ZC3H7B: variants seen among roughly 807,000 people sequenced by gnomAD.
ZC3H7B encodes zinc finger CCCH domain-containing protein 7B.
In ZC3H7B, 35 loss-of-function variants were observed where a neutral mutation model predicts 116.0. The ratio of observed to expected loss-of-function variants is 0.30; its 90% CI spans 0.23 to 0.40. ZC3H7B has a LOEUF of 0.40. ZC3H7B is among the 10% of genes least tolerant of loss of function. The pLI, the probability that ZC3H7B is intolerant of heterozygous loss-of-function variation, is 1.00. For synonymous variants in ZC3H7B, 502 were observed against 545.6 expected, an observed-to-expected ratio of 0.92 and a Z score of 1.11; for missense variants, 1,011 against 1,321.5, an observed-to-expected ratio of 0.77 and a Z score of 3.64.
intron 1 of ZC3H7B, among the ~76,000 whole-genome samples, chr22:41,309,870 C>T (rs1395658926): frequency 6.6e-6 from 1 of 152,018 alleles, no homozygotes; most frequent in African/African-American, 2.4e-5. Flanking sequence ...CAGAATAGCC[C>T]TTGCCAAACA....
chr22:41,335,319 G>A (rs2036429910), intron 7 of ZC3H7B: 1 of 152,182 alleles, frequency 6.6e-6, no homozygotes, highest in Non-Finnish European at 1.5e-5. Context: ...AATTACAATG[G>A]GTCAATGTGA....
intron 1 of ZC3H7B, among the ~76,000 whole-genome samples, chr22:41,315,881 A>G (rs929732039): frequency 2.6e-5 from 4 of 152,316 alleles, no homozygotes; most frequent in Non-Finnish European, 4.4e-5. Context: ...GAGCTTCAGC[A>G]TATGAATTTG....
chr22:41,342,780 G>GAA, intron 12 of ZC3H7B, 152 bp downstream of exon 12: 1 of 752,344 alleles, frequency 1.3e-6, no homozygotes, highest in Non-Finnish European at 2.1e-6. Flanking sequence ...AAAGGGGCAG[G>GAA]AGTTTGGGGT....
chr22:41,335,234 C>T (rs1475428601), intron 7 of ZC3H7B: 1 of 152,192 alleles, frequency 6.6e-6, no homozygotes, highest in Non-Finnish European at 1.5e-5. Context: ...CTACGCAGGC[C>T]ACTCCACCCC....
chr22:41,320,225 C>G (rs775428192), intron 1 of ZC3H7B, among the ~76,000 whole-genome samples: 2 of 150,840 alleles, frequency 1.3e-5, no homozygotes, highest in Non-Finnish European at 2.9e-5. Context: ...CCCAGCTACT[C>G]GGGAGGCTGA....
chr22:41,319,105 C>A (rs1305844397), intron 1 of ZC3H7B, among the ~76,000 whole-genome samples: 1 of 152,038 alleles, frequency 6.6e-6, no homozygotes. Context: ...CCCATCTGTA[C>A]TAAAAATACA....
chr22:41,329,319 C>T (rs1267305463), intron 5 of ZC3H7B, among the ~76,000 whole-genome samples: 15 of 145,002 alleles, frequency 1.0e-4, no homozygotes, highest in Admixed American at 6.3e-4. Context: ...AGTGCAGCGG[C>T]GCAGTCTTGG....
Position 41,348,135 on chromosome 22 carries a change from C to T in ZC3H7B, c.1734C>T (p.Asn578=), listed in dbSNP as rs762340762. The T allele has an allele frequency of 4.3e-6, 7 of 1,613,926 alleles. No homozygotes were observed. The African/African-American group carries it at 8.0e-5, about 18-fold the overall frequency. ...AGGACTCTCCGTCTGTCTGCTCCAA[C>T]CTGGCTGCCAAGCACAGCTTCTACA... ...GTKDSPSVCS[N]LAAKHSFYNN... is the part of the protein sequence containing the mutation. The change falls in exon 15 of 23, where the codon AAC becomes AAT. Residue 578 remains asparagine (N), a synonymous_variant. Coordinates refer to ENST00000352645, the MANE Select transcript of ZC3H7B (RefSeq NM_017590.6).
intron 1 of ZC3H7B, among the ~76,000 whole-genome samples, chr22:41,314,250 G>C (rs1425902206): frequency 6.6e-6 from 1 of 151,636 alleles, no homozygotes; most frequent in Non-Finnish European, 1.5e-5. Context: ...TCTGCCTCCC[G>C]GGTTCAAGCA....
At chr22:41,343,283 C>T in intron 12 of ZC3H7B, 132 bp from the exon 13 acceptor site, 1 of 1,185,490 alleles carries the variant, frequency 8.4e-7, no homozygotes, top group East Asian at 2.5e-5. Context: ...GTGGTGGGAG[C>T]TGGCAGGAGG....
intron 16 of ZC3H7B, among the ~76,000 whole-genome samples, chr22:41,350,479 CG>C (rs1279809010): frequency 2.0e-5 from 3 of 151,960 alleles, no homozygotes; most frequent in African/African-American, 7.3e-5. Context: ...GAGGGTGGCT[CG>C]GGCCAGGGTG....
Position 41,355,464 on chromosome 22 carries a change from C to G in ZC3H7B, c.2035-5C>G. On this transcript the variant is annotated splice_polypyrimidine_tract_variant and splice_region_variant and intron_variant, in intron 17 of 22. Coordinates refer to ENST00000352645, the MANE Select transcript of ZC3H7B (RefSeq NM_017590.6). ...TCACCAACCCCCCTCCCCATCCCCC[C>G]ACAGGGTGCTCCGAGGACACATGGG... The G allele has an allele frequency of 9.9e-6, 16 of 1,613,872 alleles. No homozygotes were observed. The highest frequency in any genetic ancestry group is 1.3e-5 in the Non-Finnish European group (15 of 1,179,892).
intron 10 of ZC3H7B, 67 bp from the exon 11 acceptor site, chr22:41,341,021 A>AT: frequency 6.7e-7 from 1 of 1,498,810 alleles, no homozygotes; most frequent in South Asian, 1.2e-5. Context: ...CATAAGGGGA[A>AT]GCCCTAGGAA....
chr22:41,353,684 G>A (rs567970638), intron 17 of ZC3H7B, among the ~76,000 whole-genome samples: 1 of 152,364 alleles, frequency 6.6e-6, no homozygotes, highest in African/African-American at 2.4e-5. Flanking sequence ...TGACCAGGGT[G>A]TGGCAGGGAG....
chr22:41,323,013 G>T (rs896511496), intron 2 of ZC3H7B, among the ~76,000 whole-genome samples: 4 of 152,200 alleles, frequency 2.6e-5, no homozygotes, highest in African/African-American at 9.7e-5. Flanking sequence ...TGCTCTCACA[G>T]AGCGAGTGTT....
intron 7 of ZC3H7B, among the ~76,000 whole-genome samples, chr22:41,337,718 G>A (rs981595950): frequency 7.2e-5 from 11 of 152,112 alleles, no homozygotes; most frequent in Non-Finnish European, 5.9e-5. Flanking sequence ...GTGGTGGGTG[G>A]AACCAAGACT....
Position 41,346,234 on chromosome 22 carries a change from C to T in ZC3H7B, c.1665+26C>T, listed in dbSNP as rs764492087. 1.6e-5 allele frequency: 26 copies of T among 1,603,160 alleles called. No homozygotes were observed. Among genetic ancestry groups the T allele is most frequent in the Non-Finnish European group, 1.9e-5 (22 of 1,178,256 alleles). ...GTACTGCCCACCCACCCACTGCCAC[C>T]CCATAGGCCATGGCACAGACAGGGC... On this transcript the variant is annotated intron_variant, in intron 14 of 22. Transcript: ENST00000352645. The surrounding 1 kb of genome is among the most constrained non-coding windows in gnomAD (Gnocchi z 5.3).
Position 41,341,041 on chromosome 22 carries a change from C to T in ZC3H7B, c.1139-47C>T, listed in dbSNP as rs2294978. 0.03 allele frequency: 47,565 copies of T among 1,587,460 alleles called. 7,748 individuals are homozygous for T. The East Asian group carries it at 0.38, about 13-fold the overall frequency. ...GGGGAAGCCCTAGGAAGGCCCCTCA[C>T]GCCTCAGAGCCAGAGCCACTGACCC... On this transcript the variant is annotated intron_variant, in intron 10 of 22. Transcript: ENST00000352645.
chr22:41,346,103 C>G lies in ZC3H7B; in HGVS notation c.1560C>G (p.Leu520=), dbSNP rs746504693. 1 of 1,613,840 alleles carries G rather than the reference C, an allele frequency of 6.2e-7. No homozygotes were observed. The highest frequency in any genetic ancestry group is 8.5e-7 in the Non-Finnish European group (1 of 1,180,018). Reference sequence around the variant, plus strand: ...GGACCGAGGAGCGGAAGGGCACCCTCAACCGCGACCTGCTCTTCGACCCGC... The same window carrying G: ...GGACCGAGGAGCGGAAGGGCACCCTGAACCGCGACCTGCTCTTCGACCCGC... The part of the protein sequence containing the change: ...DVWTEERKGT[L]NRDLLFDPLG... Residue 520 remains leucine, a synonymous_variant, in exon 14 of 23, where the codon CTC becomes CTG. Transcript: ENST00000352645. The surrounding 1 kb of genome is among the most constrained non-coding windows in gnomAD (Gnocchi z 5.3).
Sources: gnomAD v4.1 joint callset for allele counts (sites outside exome capture counted in the v4.1 genomes callset) on GRCh38, gnomAD v4.1.1 for gene constraint, Gnocchi (gnomAD v3.1) non-coding constraint, MANE v1.5 for transcripts, NCBI Gene and HGNC (gene_info 2026-07-23, HGNC 2026-07-21) for gene names.